ARRDC5: variants seen among roughly 807,000 people sequenced by gnomAD.
The protein encoded by ARRDC5 is arrestin domain-containing protein 5.
Under a neutral mutation model 13.3 loss-of-function variants are expected in ARRDC5, and 12 were observed. The ratio of observed to expected loss-of-function variants is 0.90; its 90% CI spans 0.58 to 1.46. The LOEUF is 1.46. Among genes scored for constraint, ARRDC5 ranks in the 40% most tolerant of loss-of-function variants. The pLI is 0.00. For synonymous variants in ARRDC5, 181 were observed against 173.4 expected (o/e 1.04, Z -0.34); for missense variants, 406 against 418.7 (o/e 0.97, Z 0.26).
the ARRDC5 span, among the ~76,000 whole-genome samples, chr19:4,914,818 C>A: frequency 2.0e-5 from 3 of 152,150 alleles, no homozygotes; most frequent in African/African-American, 7.2e-5. Flanking sequence ...AGGGCTAATA[C>A]CCACCACGCT....
At chr19:4,905,108 C>CTTTTTTTTTT (rs61443004), upstream of ARRDC5, among the ~76,000 whole-genome samples, 1 of 95,192 alleles carries the variant, frequency 1.1e-5, no homozygotes, top group Non-Finnish European at 2.0e-5. Context: ...CGTAAACTTT[C>CTTTTTTTTTT]TTTTTTTTTT....
intron 1 of ARRDC5, among the ~76,000 whole-genome samples, chr19:4,901,178 G>A (rs1281062776): frequency 6.6e-6 from 1 of 151,994 alleles, no homozygotes; most frequent in Admixed American, 6.6e-5. Flanking sequence ...AATTAGCCAA[G>A]CATGGTGCCA....
chr19:4,894,195 T>C (rs553766348), intron 2 of ARRDC5, among the ~76,000 whole-genome samples: 11 of 147,434 alleles, frequency 7.5e-5, no homozygotes, highest in Non-Finnish European at 1.5e-4. Flanking sequence ...GCTAACACGG[T>C]GAAACCCCGT....
In ARRDC5 at chr19:4,892,657, C is replaced by T. The variant is rs145524212; in HGVS notation, c.460-1084G>A. On this transcript the variant is annotated intron_variant, in intron 2 of 2. Coordinates refer to ENST00000650722, the MANE Select transcript of ARRDC5 (RefSeq NM_001080523.3). ...TACAGGCATGAGCCACTGTGCCCAG[C>T]CTGCTTTTATTTTTAAAAAGTTGTT... 3.4e-4 allele frequency among the ~76,000 whole-genome samples: 52 copies of T among 152,252 alleles called. 2 individuals are homozygous for T. Among genetic ancestry groups the T allele is most frequent in the African/African-American group, 1.3e-3 (52 of 41,564 alleles).
chr19:4,909,701 C>T, the ARRDC5 span: 6 of 504,872 alleles, frequency 1.2e-5, no homozygotes, highest in Non-Finnish European at 2.1e-5. Context: ...GCCGGGCGCA[C>T]GGGGCTCGGG....
At chr19:4,900,941 C>G (rs1203651530) in intron 1 of ARRDC5, among the ~76,000 whole-genome samples, 1 of 151,980 alleles carries the variant, frequency 6.6e-6, no homozygotes, top group Non-Finnish European at 1.5e-5. Flanking sequence ...ATCGGTTGAA[C>G]CCAGGAGGTG....
the ARRDC5 span, among the ~76,000 whole-genome samples, chr19:4,914,722 T>A: frequency 6.6e-6 from 1 of 150,988 alleles, no homozygotes; most frequent in Non-Finnish European, 1.5e-5. Context: ...TTTAACCTGC[T>A]CGGGTACAAC....
In ARRDC5 at chr19:4,896,890, A is replaced by G. The variant is rs542998678; in HGVS notation, c.254-14T>C. ...TTAACCAATTATCTGAAAGCAAAACACACCGATGCCATCAGAAGGTTCTAG... is the reference window on the plus strand; with the variant it reads ...TTAACCAATTATCTGAAAGCAAAACGCACCGATGCCATCAGAAGGTTCTAG... On this transcript the variant is annotated splice_polypyrimidine_tract_variant and intron_variant, in intron 1 of 2. Coordinates refer to ENST00000650722, the MANE Select transcript of ARRDC5 (RefSeq NM_001080523.3). 19 of 1,591,806 alleles carry G rather than the reference A, an allele frequency of 1.2e-5. No homozygotes were observed. The highest frequency in any genetic ancestry group is 1.7e-4 in the Middle Eastern group (1 of 6,016).
In ARRDC5 at chr19:4,891,120, C is replaced by T. The variant is rs564002058; in HGVS notation, c.913G>A (p.Ala305Thr). 4.0e-5 allele frequency: 65 copies of T among 1,613,914 alleles called. No individual in the cohort carries two copies. Among genetic ancestry groups the T allele is most frequent in the African/African-American group, 3.3e-4 (25 of 75,048 alleles). The change falls in exon 3 of 3, where the codon GCC (alanine) becomes ACC (threonine). Residue 305 changes from alanine (A) to threonine (T), a missense_variant. Transcript: ENST00000650722. ...TGGCAGATGGCAGAGTCCACTGAGG[C>T]GCTGGTGATGATGATGGGAACTTTG... ...KAKVPIIITS[A>T]SVDSAICQLS...
In ARRDC5 at chr19:4,891,279, T is replaced by C; in HGVS notation, c.754A>G (p.Lys252Glu). The change falls in exon 3 of 3, where the codon AAG becomes GAG. Residue 252 changes from lysine to glutamate, a missense_variant. Transcript: ENST00000650722. ...NTPVTRFNTT[K>E]VVSTFNLPLL... ...GGCAGGTTGAAGGTGCTGACAACCT[T>C]GGTGGTGTTGAAGCGGGTCACGGGG... 6.2e-7 allele frequency: 1 copy of C among 1,613,802 alleles called. No individual in the cohort carries two copies. Among genetic ancestry groups the C allele is most frequent in the Non-Finnish European group, 8.5e-7 (1 of 1,179,858 alleles).
At chr19:4,897,429 T>C (rs1194104734) in intron 1 of ARRDC5, among the ~76,000 whole-genome samples, 1 of 152,070 alleles carries the variant, frequency 6.6e-6, no homozygotes, top group African/African-American at 2.4e-5. Context: ...CCTGGAGTTG[T>C]CACCCGAAAC....
At chr19:4,896,585 C>T (rs2031741980) in intron 2 of ARRDC5, 86 bp downstream of exon 2, 3 of 1,017,114 alleles carry the variant, frequency 2.9e-6, no homozygotes, top group Non-Finnish European at 4.5e-6. Context: ...CCCATGGGAC[C>T]TTCTCTGTCC....
chr19:4,893,231 C>T (rs892941466), intron 2 of ARRDC5, among the ~76,000 whole-genome samples: 4 of 141,082 alleles, frequency 2.8e-5, no homozygotes, highest in South Asian at 2.2e-4. Context: ...TATAGCCAGG[C>T]GCAGTGGCTC....
chr19:4,903,125 C>T (rs2031982014), upstream of ARRDC5: 1 of 360,494 alleles, frequency 2.8e-6, no homozygotes, highest in African/African-American at 2.1e-5. Flanking sequence ...CTCATGGGTT[C>T]AAGCAATTCT....
At position 4,891,398 on chromosome 19, in the gene ARRDC5, A is replaced by C; in HGVS notation, c.635T>G (p.Leu212Arg). 6.2e-7 allele frequency: 1 copy of C among 1,613,438 alleles called. No individual in the cohort carries two copies. The highest frequency in any genetic ancestry group is 8.5e-7 in the Non-Finnish European group (1 of 1,179,886). Residue 212 changes from leucine to arginine, a missense_variant, in exon 3 of 3, where the codon CTG becomes CGG. Physicochemically the swap from Leu to Arg is moderately radical, Grantham distance 102 (BLOSUM62 -2). Transcript: ENST00000650722. ...GCCCTCGTACTGTATGTGGGCATAC[A>C]GGGCGAATACGACCGTCTTGATGCA... ...SKCIKTVVFA[L>R]YAHIQYEGFT...
At chr19:4,894,478 T>C (rs1599210973) in intron 2 of ARRDC5, among the ~76,000 whole-genome samples, 1 of 113,260 alleles carries the variant, frequency 8.8e-6, no homozygotes, top group South Asian at 3.0e-4. Context: ...GCCACTGCAC[T>C]CCAGCCTGGG....
chr19:4,910,854 T>A, the ARRDC5 span: 1 of 1,567,586 alleles, frequency 6.4e-7, no homozygotes. Context: ...CTGATGGGGG[T>A]TTTTGCTGTC....
intron 1 of ARRDC5, among the ~76,000 whole-genome samples, chr19:4,901,191 T>C (rs1185092485): frequency 6.6e-6 from 1 of 151,940 alleles, no homozygotes; most frequent in African/African-American, 2.4e-5. Context: ...TGGTGCCATG[T>C]GCCTGTGGTC....
the ARRDC5 span, among the ~76,000 whole-genome samples, chr19:4,914,018 T>G: frequency 6.6e-6 from 1 of 152,142 alleles, no homozygotes; most frequent in Non-Finnish European, 1.5e-5. Flanking sequence ...TTTCTCCATG[T>G]TGGTCAGGCT....
Sources: allele counts gnomAD v4.1 joint callset (sites outside exome capture counted in the v4.1 genomes callset), GRCh38; gene constraint gnomAD v4.1.1; transcripts MANE v1.5; gene names NCBI Gene and HGNC (gene_info 2026-07-23, HGNC 2026-07-21).